The following SCAPER variants were observed in gnomAD, a reference collection of about 807,000 sequenced individuals.
SCAPER encodes S-phase cyclin A associated protein in the ER, also known as S phase cyclin A-associated protein in the endoplasmic reticulum.
In SCAPER, 98 loss-of-function variants were observed where a neutral mutation model predicts 182.2. The observed-to-expected ratio is 0.54, with a 90% CI of 0.46 to 0.64. SCAPER has a LOEUF of 0.64. Among genes scored for constraint, SCAPER ranks in the 30% least tolerant of loss-of-function variants. The pLI, the probability that SCAPER is intolerant of heterozygous loss-of-function variation, is 0.00. For missense variants in SCAPER, 1,432 were observed against 1,690.0 expected (o/e 0.85, Z 2.68); for synonymous variants, 605 against 564.6 (o/e 1.07, Z -1.01).
At chr15:76,614,543 ATT>A (rs2051286959) in intron 22 of SCAPER, among the ~76,000 whole-genome samples, 1 of 152,224 alleles carries the variant, frequency 6.6e-6, no homozygotes. Flanking sequence ...AAATTCACAA[ATT>A]TGTGAAAAAT....
chr15:76,399,937 A>G (rs970456836), intron 27 of SCAPER, among the ~76,000 whole-genome samples: 3 of 151,234 alleles, frequency 2.0e-5, no homozygotes, highest in African/African-American at 7.3e-5. Flanking sequence ...CCCAGGAAGC[A>G]GAGGTTACAG....
chr15:76,361,717 C>G (rs1281282353), intron 29 of SCAPER, among the ~76,000 whole-genome samples: 1 of 152,136 alleles, frequency 6.6e-6, no homozygotes, highest in Non-Finnish European at 1.5e-5. Context: ...GTATCTCAAC[C>G]CTTTTCAGTT....
intron 24 of SCAPER, among the ~76,000 whole-genome samples, chr15:76,497,124 T>TTTTTC (rs1555456895): frequency 1.4e-5 from 2 of 139,424 alleles, no homozygotes; most frequent in African/African-American, 2.8e-5. Context: ...TTTTTTTTTT[T>TTTTTC]CCCAAAACGG....
intron 15 of SCAPER, among the ~76,000 whole-genome samples, chr15:76,749,089 T>A (rs979198603): frequency 6.6e-6 from 1 of 152,062 alleles, no homozygotes; most frequent in Non-Finnish European, 1.5e-5. Flanking sequence ...CCCTCGGTCA[T>A]GAACACTGAT....
intron 29 of SCAPER, among the ~76,000 whole-genome samples, chr15:76,364,836 A>G (rs942226856): frequency 4.6e-5 from 7 of 151,900 alleles, no homozygotes; most frequent in Non-Finnish European, 8.8e-5. Flanking sequence ...GAGGGGATCA[A>G]TCCTCAAGTT....
chr15:76,898,101 T>C (rs1177394630), intron 1 of SCAPER, among the ~76,000 whole-genome samples: 1 of 152,220 alleles, frequency 6.6e-6, no homozygotes, highest in East Asian at 1.9e-4. Context: ...AAAGGGGTTA[T>C]GTTCTCATTT....
rs1388834208 is a variant in SCAPER at position 76,771,857 on chromosome 15, T to A, written c.1133A>T (p.Glu378Val). The change falls in exon 10 of 32, where the codon GAG (glutamate) becomes GTG (valine). Residue 378 changes from glutamate to valine, a missense_variant. By Grantham distance (121) the Glu-to-Val change is moderately radical. Coordinates refer to ENST00000563290, the MANE Select transcript of SCAPER (RefSeq NM_020843.4). ...SEISAVHIDT[E>V]CVSVMLQAGT... ...AGCTTGCAGCATAACTGAAACACAC[T>A]CTGTATCAATGTGGACAGCAGATAT... 1 of 1,613,166 alleles carries A rather than the reference T, an allele frequency of 6.2e-7. No individual in the cohort carries two copies. The highest frequency in any genetic ancestry group is 2.2e-5 in the East Asian group (1 of 44,812).
chr15:76,353,712 G>C (rs2040764598), intron 30 of SCAPER, among the ~76,000 whole-genome samples: 1 of 152,142 alleles, frequency 6.6e-6, no homozygotes, highest in African/African-American at 2.4e-5. Context: ...TCATTAACTA[G>C]AAAAGTATCC....
intron 23 of SCAPER, among the ~76,000 whole-genome samples, chr15:76,505,777 G>A (rs1484218103): frequency 6.6e-6 from 1 of 152,112 alleles, no homozygotes; most frequent in Non-Finnish European, 1.5e-5. Flanking sequence ...ATATATCTAA[G>A]AGATATCTGC....
chr15:76,724,809 T>C (rs1226628756), intron 17 of SCAPER, among the ~76,000 whole-genome samples: 1 of 152,188 alleles, frequency 6.6e-6, no homozygotes, highest in African/African-American at 2.4e-5. Flanking sequence ...GCATTGGTTA[T>C]TCTAGTTATC....
At chr15:76,903,525 T>G (rs143853147) in intron 1 of SCAPER, among the ~76,000 whole-genome samples, 1 of 152,200 alleles carries the variant, frequency 6.6e-6, no homozygotes, top group Non-Finnish European at 1.5e-5. Flanking sequence ...CCTTGCACCA[T>G]GTAAGGAGAC....
At chr15:76,723,730 G>A (rs2060407408) in intron 17 of SCAPER, among the ~76,000 whole-genome samples, 1 of 152,138 alleles carries the variant, frequency 6.6e-6, no homozygotes, top group Admixed American at 6.5e-5. Context: ...TGTTTTATCA[G>A]AGACTAGGAT....
chr15:76,372,036 T>C (rs188532308), intron 29 of SCAPER, among the ~76,000 whole-genome samples: 3 of 151,574 alleles, frequency 2.0e-5, no homozygotes, highest in Admixed American at 6.6e-5. Flanking sequence ...CTTTTTTTTT[T>C]AATCTTGTTC....
intron 20 of SCAPER, among the ~76,000 whole-genome samples, chr15:76,699,615 G>A (rs967512652): frequency 2.6e-5 from 4 of 152,162 alleles, no homozygotes; most frequent in Admixed American, 1.3e-4. Flanking sequence ...TTTCAGCAGC[G>A]CTGGACTGCA....
chr15:76,510,872 T>C (rs537008629), intron 23 of SCAPER, among the ~76,000 whole-genome samples: 16 of 151,628 alleles, frequency 1.1e-4, no homozygotes, highest in African/African-American at 3.9e-4. Flanking sequence ...CGCGTGTGTG[T>C]GTGTGTGTGT....
intron 24 of SCAPER, among the ~76,000 whole-genome samples, chr15:76,492,850 G>C (rs1425130922): frequency 1.4e-5 from 2 of 147,506 alleles, no homozygotes; most frequent in African/African-American, 5.0e-5. Context: ...ATTTAGACTT[G>C]TAACACAATC....
rs567618974 is a variant in SCAPER, at chr15:76,458,399, TACAA to T, written c.3078+12809_3078+12812del. 1.2e-4 allele frequency among the ~76,000 whole-genome samples: 18 copies of T among 151,960 alleles called. No homozygotes were observed. In the South Asian group the frequency reaches 3.1e-3, roughly 26 times the overall value. On this transcript the variant is annotated intron_variant, in intron 25 of 31. Coordinates refer to ENST00000563290, the MANE Select transcript of SCAPER (RefSeq NM_020843.4). The stretch of plus-strand genomic sequence containing the variant: ...ACACACATATATATATATCCACAAA[TACAA>T]ACATACACACACACACACACATATA...
At chr15:76,645,804 C>A (rs2054498964) in intron 21 of SCAPER, among the ~76,000 whole-genome samples, 1 of 152,036 alleles carries the variant, frequency 6.6e-6, no homozygotes, top group South Asian at 2.1e-4. Flanking sequence ...GAATGAATTC[C>A]TTAAGATCAC....
intron 29 of SCAPER, among the ~76,000 whole-genome samples, chr15:76,374,373 G>A (rs2042390046): frequency 6.6e-6 from 1 of 151,948 alleles, no homozygotes; most frequent in Non-Finnish European, 1.5e-5. Context: ...GGGTGACAGA[G>A]CAAGACACTG....
Sources: gnomAD v4.1 joint callset for allele counts (sites outside exome capture counted in the v4.1 genomes callset) on GRCh38, gnomAD v4.1.1 for gene constraint, MANE v1.5 for transcripts, NCBI Gene and HGNC (gene_info 2026-07-23, HGNC 2026-07-21) for gene names.